The following ARHGAP15 variants were observed in gnomAD, a reference collection of about 807,000 sequenced individuals.
ARHGAP15 encodes the protein Rho GTPase activating protein 15, also known as rho GTPase-activating protein 15.
Under a neutral mutation model 63.7 loss-of-function variants are expected in ARHGAP15, and 51 were observed. The observed-to-expected ratio is 0.80, with a 90% CI of 0.64 to 1.01. ARHGAP15 has a LOEUF of 1.01. Among genes scored for constraint, ARHGAP15 ranks in the 50% least tolerant of loss-of-function variants. The pLI is 0.00. For missense variants in ARHGAP15, 560 were observed against 564.6 expected (o/e 0.99, Z 0.08); for synonymous variants, 191 against 193.8 (o/e 0.99, Z 0.12).
chr2:143,411,366 T>C (rs1688439224), intron 6 of ARHGAP15, among the ~76,000 whole-genome samples: 1 of 152,222 alleles, frequency 6.6e-6, no homozygotes, highest in South Asian at 2.1e-4. Flanking sequence ...AATATAAGCA[T>C]TTAAAGTAAT....
intron 11 of ARHGAP15, among the ~76,000 whole-genome samples, chr2:143,580,102 C>A (rs1696835783): frequency 6.6e-6 from 1 of 151,336 alleles, no homozygotes. Context: ...ACAGACCAGG[C>A]TTATGGCATA....
chr2:143,276,596 A>T (rs1681565164), intron 6 of ARHGAP15, among the ~76,000 whole-genome samples: 1 of 152,000 alleles, frequency 6.6e-6, no homozygotes, highest in South Asian at 2.1e-4. Flanking sequence ...TCCTTCTCTC[A>T]TTACATTTTG....
chr2:143,623,877 A>G (rs1698738064), intron 11 of ARHGAP15, among the ~76,000 whole-genome samples: 3 of 152,208 alleles, frequency 2.0e-5, no homozygotes, highest in African/African-American at 7.2e-5. Context: ...AACGTATCTG[A>G]CATACTGTGT....
At chr2:143,650,913 A>C (rs1467275948) in intron 12 of ARHGAP15, among the ~76,000 whole-genome samples, 1 of 151,956 alleles carries the variant, frequency 6.6e-6, no homozygotes, top group Non-Finnish European at 1.5e-5. Flanking sequence ...CCAAATCAGC[A>C]CCATAGGTTG....
chr2:143,242,732 CCT>C (rs1693911315), intron 5 of ARHGAP15, among the ~76,000 whole-genome samples: 1 of 152,128 alleles, frequency 6.6e-6, no homozygotes, highest in Admixed American at 6.5e-5. Flanking sequence ...ATCAAAGTAT[CCT>C]CTTTTATGTT....
chr2:143,588,807 C>T (rs1697208038), intron 11 of ARHGAP15, among the ~76,000 whole-genome samples: 4 of 152,166 alleles, frequency 2.6e-5, no homozygotes, highest in Admixed American at 2.0e-4. Context: ...ATTCTGGAAC[C>T]TGTTCTTTTC....
At chr2:143,186,010 T>A (rs1691434723) in intron 2 of ARHGAP15, among the ~76,000 whole-genome samples, 1 of 152,212 alleles carries the variant, frequency 6.6e-6, no homozygotes. Flanking sequence ...AGTCATTACA[T>A]TCCTTCAATA....
At chr2:143,185,590 G>A (rs982906219) in intron 2 of ARHGAP15, among the ~76,000 whole-genome samples, 3 of 152,066 alleles carry the variant, frequency 2.0e-5, no homozygotes, top group African/African-American at 7.2e-5. Flanking sequence ...GTTTGAGGGT[G>A]GTCAAAATAA....
chr2:143,158,617 A>G (rs989108548), intron 2 of ARHGAP15, among the ~76,000 whole-genome samples: 5 of 151,896 alleles, frequency 3.3e-5, no homozygotes, highest in Non-Finnish European at 7.4e-5. Flanking sequence ...GGCAGTTTCG[A>G]GAGGGGGAAG....
intron 4 of ARHGAP15, among the ~76,000 whole-genome samples, chr2:143,218,529 T>C (rs1692861153): frequency 6.8e-6 from 1 of 147,830 alleles, no homozygotes; most frequent in Non-Finnish European, 1.5e-5. Flanking sequence ...TATGTGGCAT[T>C]CAAAAAAGAA....
intron 13 of ARHGAP15, among the ~76,000 whole-genome samples, chr2:143,723,232 T>C (rs756239724): frequency 2.0e-5 from 3 of 152,192 alleles, no homozygotes; most frequent in South Asian, 4.1e-4. Context: ...TGAAATTGCC[T>C]GATGATGCAT....
At chr2:143,266,984 G>C (rs1229980174) in intron 6 of ARHGAP15, among the ~76,000 whole-genome samples, 1 of 152,126 alleles carries the variant, frequency 6.6e-6, no homozygotes, top group Non-Finnish European at 1.5e-5. Context: ...CTTTCTGGAA[G>C]GGTGTGACAA....
At chr2:143,529,222 T>C (rs1325604280) in intron 10 of ARHGAP15, among the ~76,000 whole-genome samples, 3 of 152,112 alleles carry the variant, frequency 2.0e-5, no homozygotes, top group Non-Finnish European at 2.9e-5. Context: ...CCCATTGCCC[T>C]AGAAAGAAAT....
At position 143,574,374 on chromosome 2, in the gene ARHGAP15, A is replaced by C. The variant is rs542928771; in HGVS notation, c.1003+17889A>C. ...TGGAAGCAGGTCATTTGCTCATTTC[A>C]AATGGGTAGAGAATGTTAGAGTGCC... On this transcript the variant is annotated intron_variant, in intron 11 of 13. Transcript: ENST00000295095. Among the ~76,000 whole-genome samples the C allele has an allele frequency of 6.8e-4, 104 of 152,272 alleles. No homozygotes were observed. The South Asian group carries it at 0.012, about 18-fold the overall frequency.
At chr2:143,652,458 T>C (rs774806837) in intron 12 of ARHGAP15, among the ~76,000 whole-genome samples, 2 of 152,064 alleles carry the variant, frequency 1.3e-5, no homozygotes, top group Admixed American at 6.6e-5. Context: ...TGCTAACTTA[T>C]ATATATTTTT....
At chr2:143,578,614 T>C (rs1696769457) in intron 11 of ARHGAP15, among the ~76,000 whole-genome samples, 1 of 152,170 alleles carries the variant, frequency 6.6e-6, no homozygotes, top group African/African-American at 2.4e-5. Context: ...TCATTTTTAG[T>C]GGTATCCCTG....
At chr2:143,523,070 A>G (rs1312538098) in intron 10 of ARHGAP15, among the ~76,000 whole-genome samples, 2 of 152,198 alleles carry the variant, frequency 1.3e-5, no homozygotes, top group Non-Finnish European at 2.9e-5. Context: ...GTTGAGGTCC[A>G]TTATTTGGAA....
intron 6 of ARHGAP15, among the ~76,000 whole-genome samples, chr2:143,428,104 A>T (rs1428721791): frequency 6.6e-6 from 1 of 152,086 alleles, no homozygotes; most frequent in Non-Finnish European, 1.5e-5. Context: ...GCTAAGATAA[A>T]GGAGAAGCAG....
At chr2:143,175,085 T>C (rs1690960984) in intron 2 of ARHGAP15, among the ~76,000 whole-genome samples, 2 of 152,130 alleles carry the variant, frequency 1.3e-5, no homozygotes, top group Admixed American at 1.3e-4. Flanking sequence ...CACTCTGTAG[T>C]GGTGGACTAT....
Sources: allele counts gnomAD v4.1 joint callset (sites outside exome capture counted in the v4.1 genomes callset), GRCh38; gene constraint gnomAD v4.1.1; transcripts MANE v1.5; gene names NCBI Gene and HGNC (gene_info 2026-07-23, HGNC 2026-07-21).